Variants in PDE10A observed in about 807,000 individuals in gnomAD.
The protein encoded by PDE10A is phosphodiesterase 10A.
In PDE10A, 39 loss-of-function variants were observed where a neutral mutation model predicts 97.7. The ratio of observed to expected loss-of-function variants is 0.40; its 90% CI spans 0.31 to 0.52. The LOEUF is 0.52. Ranked by LOEUF, PDE10A falls within the 20% of genes least tolerant of loss-of-function variation. The pLI is 0.56. For missense variants in PDE10A, 731 were observed against 1,047.8 expected (o/e 0.70, Z 4.17); for synonymous variants, 371 against 376.8 (o/e 0.98, Z 0.18).
rs1410448555 is a variant in PDE10A at position 165,702,865 on chromosome 6, A to ATTT, written c.-614-159298_-614-159297insAAA. 3.9e-4 allele frequency among the ~76,000 whole-genome samples: 60 copies of ATTT among 152,290 alleles called. No individual in the cohort carries two copies. The South Asian group carries it at 9.5e-3, about 24-fold the overall frequency. The stretch of plus-strand genomic sequence containing the variant: ...GTGAATGTGAGGCTCTGACGTTCCT[A>ATTT]ACACATGAGATGACTCTGGAAGCCA... On this transcript the variant is annotated intron_variant, in intron 1 of 19. Coordinates refer to the PDE10A transcript ENST00000366882.
At chr6:165,922,629 G>A (rs892802224) in intron 1 of PDE10A, among the ~76,000 whole-genome samples, 1 of 152,254 alleles carries the variant, frequency 6.6e-6, no homozygotes, top group Non-Finnish European at 1.5e-5. Flanking sequence ...ACTCCTCAGG[G>A]TGGCATTCTG....
intron 1 of PDE10A, among the ~76,000 whole-genome samples, chr6:165,803,641 C>T (rs944597007): frequency 2.0e-5 from 3 of 152,158 alleles, no homozygotes; most frequent in East Asian, 1.9e-4. Context: ...ACTGGGTGAA[C>T]GAGTGATGTC....
At position 165,654,184 on chromosome 6, in the gene PDE10A, G is replaced by A. The variant is rs57088180; in HGVS notation, c.865+7763C>T. Among the ~76,000 whole-genome samples the A allele has an allele frequency of 8.9e-3, 1,358 of 152,184 alleles. 17 individuals carry two copies. Among genetic ancestry groups the A allele is most frequent in the African/African-American group, 0.024 (992 of 41,500 alleles). On this transcript the variant is annotated intron_variant, in intron 1 of 21. Coordinates refer to ENST00000539869, the MANE Select transcript of PDE10A (RefSeq NM_001385079.1). ...CTTTCTCCGATCCCCCCTGTACACC[G>A]GTACTGCATGTCTTCCTAAACTATT...
intron 2 of PDE10A, among the ~76,000 whole-genome samples, chr6:165,490,914 C>T (rs1211999391): frequency 6.6e-6 from 1 of 152,154 alleles, no homozygotes; most frequent in Admixed American, 6.5e-5. Context: ...AAGATCACAC[C>T]ACTGAACTCC....
At chr6:165,983,143 A>G (rs554702805) in intron 1 of PDE10A, among the ~76,000 whole-genome samples, 1 of 152,244 alleles carries the variant, frequency 6.6e-6, no homozygotes, top group African/African-American at 2.4e-5. Context: ...ATTCAGTCTA[A>G]GCTAGGATAA....
At chr6:165,765,276 C>T (rs1261169014) in intron 1 of PDE10A, among the ~76,000 whole-genome samples, 2 of 152,284 alleles carry the variant, frequency 1.3e-5, no homozygotes, top group Non-Finnish European at 2.9e-5. Flanking sequence ...AGTCCCACGC[C>T]ATGCGCTCTC....
At chr6:165,924,133 G>T (rs535348903) in intron 1 of PDE10A, among the ~76,000 whole-genome samples, 1 of 152,118 alleles carries the variant, frequency 6.6e-6, no homozygotes, top group African/African-American at 2.4e-5. Context: ...GGTATAACTC[G>T]TTGTTTCCGT....
chr6:165,780,368 G>A (rs1282181508), intron 1 of PDE10A: 2 of 152,312 alleles, frequency 1.3e-5, no homozygotes, highest in Non-Finnish European at 2.9e-5. Context: ...TGTATCATAA[G>A]AGAACAGATA....
intron 1 of PDE10A, among the ~76,000 whole-genome samples, chr6:165,690,354 T>A (rs185150472): frequency 1.3e-5 from 2 of 152,346 alleles, no homozygotes; most frequent in East Asian, 3.9e-4. Flanking sequence ...GCTCATCACC[T>A]TTCTTCTGGT....
intron 15 of PDE10A, among the ~76,000 whole-genome samples, chr6:165,394,697 A>C (rs960852570): frequency 6.6e-6 from 1 of 152,188 alleles, no homozygotes; most frequent in Non-Finnish European, 1.5e-5. Flanking sequence ...GTGTAAAAGC[A>C]TTCCTATTTC....
chr6:165,460,583 C>A (rs1013955527), intron 3 of PDE10A, among the ~76,000 whole-genome samples: 1 of 152,204 alleles, frequency 6.6e-6, no homozygotes. Flanking sequence ...TTCTCTACAG[C>A]ACTGGCCGTC....
chr6:165,415,832 T>C (rs1351098113), intron 12 of PDE10A, among the ~76,000 whole-genome samples: 1 of 152,196 alleles, frequency 6.6e-6, no homozygotes, highest in African/African-American at 2.4e-5. Context: ...TTACTATGTG[T>C]TGCAGCCTTT....
intron 1 of PDE10A, among the ~76,000 whole-genome samples, chr6:165,769,596 CA>C: frequency 6.6e-6 from 1 of 152,190 alleles, no homozygotes; most frequent in East Asian, 1.9e-4. Flanking sequence ...TAAAATTCAA[CA>C]AAAGTTTAAT....
At chr6:165,610,089 T>C (rs1466147384) in intron 1 of PDE10A, among the ~76,000 whole-genome samples, 2 of 152,168 alleles carry the variant, frequency 1.3e-5, no homozygotes, top group South Asian at 2.1e-4. Flanking sequence ...GGAGGCATCA[T>C]GCTACCTGAC....
At chr6:165,356,196 A>T (rs190426983) in intron 18 of PDE10A, among the ~76,000 whole-genome samples, 1 of 152,250 alleles carries the variant, frequency 6.6e-6, no homozygotes, top group East Asian at 1.9e-4. Flanking sequence ...TGCAGATTAC[A>T]ATCCGAGATG....
At chr6:165,908,166 C>A (rs942562082) in intron 1 of PDE10A, among the ~76,000 whole-genome samples, 2 of 152,164 alleles carry the variant, frequency 1.3e-5, no homozygotes, top group Non-Finnish European at 2.9e-5. Flanking sequence ...AAAATTATTA[C>A]GAGGAAGCAA....
chr6:165,760,533 A>G (rs1358727836), intron 1 of PDE10A, among the ~76,000 whole-genome samples: 1 of 152,232 alleles, frequency 6.6e-6, no homozygotes, highest in East Asian at 1.9e-4. Flanking sequence ...AACACCAGGT[A>G]AGAGGTTTTC....
At chr6:165,471,197 T>C (rs55696588) in intron 3 of PDE10A, among the ~76,000 whole-genome samples, 14,978 of 152,118 alleles carry the variant, frequency 0.098, 796 homozygotes, top group Middle Eastern at 0.13. Context: ...TTTTAAATAA[T>C]TTTTTATTTA....
At chr6:165,585,478 G>A (rs1005767443) in intron 1 of PDE10A, among the ~76,000 whole-genome samples, 1 of 152,136 alleles carries the variant, frequency 6.6e-6, no homozygotes, top group African/African-American at 2.4e-5. Context: ...GCAATCACAC[G>A]TATCCTTAAA....
Sources: gnomAD v4.1 joint callset for allele counts (sites outside exome capture counted in the v4.1 genomes callset) on GRCh38, gnomAD v4.1.1 for gene constraint, MANE v1.5 for transcripts, NCBI Gene and HGNC (gene_info 2026-07-23, HGNC 2026-07-21) for gene names.